Variants in SYT16 observed in about 807,000 individuals in gnomAD.
SYT16 encodes the protein synaptotagmin-16.
SYT16 carries 42 observed loss-of-function variants against 61.4 expected under a neutral mutation model. That is an observed-to-expected ratio of 0.68 (90% CI 0.53 to 0.89). The LOEUF (loss-of-function observed/expected upper bound fraction) is 0.89, where lower values mean the gene tolerates loss of function less well. Among genes scored for constraint, SYT16 ranks in the 40% least tolerant of loss-of-function variants. The pLI is 0.00. For missense variants in SYT16, 804 were observed against 807.3 expected (o/e 1.00, Z 0.05); for synonymous variants, 314 against 302.3 (o/e 1.04, Z -0.40).
rs1419491399 is a variant in SYT16 at position 62,104,143 on chromosome 14, T to A, written c.*3436T>A. ...CTTCTCTGATAGCCACCAATTTGAT[T>A]TAATTGATGATTCGGTGTGGACACC... is the stretch of plus-strand genomic sequence containing the variant. On this transcript the variant is annotated 3_prime_UTR_variant, in exon 8 of 8. Transcript: ENST00000683842. The A allele has an allele frequency of 6.6e-6, 1 of 152,242 alleles. No individual in the cohort carries two copies. Among genetic ancestry groups the A allele is most frequent in the Non-Finnish European group, 1.5e-5 (1 of 68,040 alleles). 9.4% of individuals were successfully genotyped at this position (152,242 alleles called of 1,614,324 possible). A position where few individuals can be genotyped will look rare whatever the true frequency, so the allele number is the denominator to read the frequency against.
At chr14:62,062,291 C>T (rs10143339) in intron 3 of SYT16, among the ~76,000 whole-genome samples, 31,231 of 151,266 alleles carry the variant, frequency 0.21, 7,151 homozygotes, top group African/African-American at 0.57. Flanking sequence ...CTTAGTTTCT[C>T]TATTTGAGGG....
intron 3 of SYT16, among the ~76,000 whole-genome samples, chr14:62,057,762 G>C (rs2055629480): frequency 1.3e-5 from 2 of 152,088 alleles, no homozygotes; most frequent in South Asian, 4.1e-4. Context: ...TTTCTTTTAA[G>C]CTACTTAAAA....
chr14:62,090,562 A>G (rs559589048), intron 7 of SYT16, among the ~76,000 whole-genome samples: 3 of 152,316 alleles, frequency 2.0e-5, no homozygotes, highest in South Asian at 4.1e-4. Flanking sequence ...GTGTATTAAG[A>G]GCCACTGTCT....
chr14:62,090,864 G>A (rs1174894433), intron 7 of SYT16, among the ~76,000 whole-genome samples: 1 of 152,100 alleles, frequency 6.6e-6, no homozygotes, highest in African/African-American at 2.4e-5. Context: ...AAGGCAAAAG[G>A]CATGTCTTAC....
intron 3 of SYT16, among the ~76,000 whole-genome samples, chr14:62,046,570 G>A (rs1158215986): frequency 1.3e-5 from 2 of 152,070 alleles, no homozygotes; most frequent in African/African-American, 2.4e-5. Context: ...TTTCTTCTAG[G>A]GTTTTTATGG....
chr14:62,087,946 C>A (rs2056942823), intron 7 of SYT16, among the ~76,000 whole-genome samples: 1 of 152,126 alleles, frequency 6.6e-6, no homozygotes, highest in Non-Finnish European at 1.5e-5. Flanking sequence ...CACTGCACAG[C>A]CCCCAGCATG....
intron 3 of SYT16, among the ~76,000 whole-genome samples, chr14:62,028,521 C>T (rs1439181260): frequency 3.3e-5 from 5 of 152,112 alleles, no homozygotes; most frequent in African/African-American, 9.7e-5. Flanking sequence ...TATGGTCTCT[C>T]TATACAGAAT....
intron 1 of SYT16, among the ~76,000 whole-genome samples, chr14:61,898,577 C>G (rs1374066313): frequency 1.3e-5 from 2 of 152,184 alleles, no homozygotes; most frequent in Non-Finnish European, 2.9e-5. Flanking sequence ...TGTGTCTAGG[C>G]TGGGGCAAGT....
chr14:62,100,160 A>G (rs1411009757), intron 7 of SYT16, among the ~76,000 whole-genome samples: 1 of 152,220 alleles, frequency 6.6e-6, no homozygotes, highest in Non-Finnish European at 1.5e-5. Flanking sequence ...AACATCAGCA[A>G]TGTGTGCTGG....
intron 1 of SYT16, among the ~76,000 whole-genome samples, chr14:61,967,593 A>G (rs946951274): frequency 6.6e-6 from 1 of 152,088 alleles, no homozygotes; most frequent in Non-Finnish European, 1.5e-5. Context: ...CCTGGGCTTC[A>G]TGTGGCTTTC....
intron 3 of SYT16, among the ~76,000 whole-genome samples, chr14:62,051,394 G>A (rs555813472): frequency 3.3e-5 from 5 of 152,344 alleles, no homozygotes; most frequent in South Asian, 4.1e-4. Context: ...CTAGGAAAGG[G>A]AATTCCCTGA....
chr14:62,060,176 T>A (rs1255992833), intron 3 of SYT16, among the ~76,000 whole-genome samples: 2 of 152,108 alleles, frequency 1.3e-5, no homozygotes, highest in Admixed American at 6.5e-5. Flanking sequence ...TTGCTTTAAA[T>A]CATTACACTG....
intron 1 of SYT16, among the ~76,000 whole-genome samples, chr14:61,835,537 C>A (rs1192358929): frequency 6.6e-6 from 1 of 150,974 alleles, no homozygotes; most frequent in East Asian, 1.9e-4. Flanking sequence ...GGATTACAGG[C>A]GTGAGCCACT....
chr14:61,830,185 C>G (rs2045896326), intron 1 of SYT16, among the ~76,000 whole-genome samples: 1 of 152,120 alleles, frequency 6.6e-6, no homozygotes, highest in Admixed American at 6.5e-5. Context: ...CTTTAAAATC[C>G]TTGTCATAAA....
At chr14:61,849,840 C>T (rs373862418) in intron 1 of SYT16, among the ~76,000 whole-genome samples, 6 of 152,098 alleles carry the variant, frequency 3.9e-5, no homozygotes, top group African/African-American at 9.7e-5. Flanking sequence ...ATAGTTGTTC[C>T]ATTTGATGTT....
intron 1 of SYT16, among the ~76,000 whole-genome samples, chr14:61,917,558 G>A (rs1566678663): frequency 1.3e-5 from 2 of 152,150 alleles, no homozygotes; most frequent in Non-Finnish European, 2.9e-5. Context: ...CAGTGCAATT[G>A]AAAGCAGAGT....
intron 1 of SYT16, among the ~76,000 whole-genome samples, chr14:61,818,514 C>T (rs2045512234): frequency 6.6e-6 from 1 of 152,000 alleles, no homozygotes; most frequent in Non-Finnish European, 1.5e-5. Flanking sequence ...CCCATCTCTA[C>T]TAAAATTACA....
At chr14:61,987,923 C>T (rs548156903) in intron 2 of SYT16, among the ~76,000 whole-genome samples, 1 of 152,204 alleles carries the variant, frequency 6.6e-6, no homozygotes, top group East Asian at 1.9e-4. Flanking sequence ...AGTGCCTTTT[C>T]AAGTGATACA....
Position 62,069,604 on chromosome 14 carries a change from C to T in SYT16, c.525C>T (p.Val175=), listed in dbSNP as rs757870375. The T allele has an allele frequency of 6.2e-7, 1 of 1,613,696 alleles. No homozygotes were observed. The highest frequency in any genetic ancestry group is 1.1e-5 in the South Asian group (1 of 91,052). Residue 175 remains valine, a splice_region_variant and synonymous_variant, in exon 4 of 8, where the codon GTC becomes GTT. Coordinates refer to ENST00000683842, the MANE Select transcript of SYT16 (RefSeq NM_001367656.1). ...CTCATGGCTCTTGTTTACTCCCAGT[C>T]AACAGCTTTGGGGATGACGAAGAGC... ...TLETVNGKKQ[V]NSFGDDEELS...
Sources: gnomAD v4.1 joint callset for allele counts (sites outside exome capture counted in the v4.1 genomes callset) on GRCh38, gnomAD v4.1.1 for gene constraint, MANE v1.5 for transcripts, NCBI Gene and HGNC (gene_info 2026-07-23, HGNC 2026-07-21) for gene names.